SH3PXD2A: variants seen among roughly 807,000 people sequenced by gnomAD.
The protein encoded by SH3PXD2A is SH3 and PX domains 2A, also known as SH3 and PX domain-containing protein 2A.
In SH3PXD2A, 32 loss-of-function variants were observed where a neutral mutation model predicts 115.2. The observed-to-expected ratio is 0.28, with a 90% confidence interval of 0.21 to 0.37. The LOEUF (loss-of-function observed/expected upper bound fraction) is 0.37, where lower values mean the gene tolerates loss of function less well. Among genes scored for constraint, SH3PXD2A ranks in the 10% least tolerant of loss-of-function variants. The pLI, the probability that SH3PXD2A is intolerant of heterozygous loss-of-function variation, is 1.00. For missense variants in SH3PXD2A, 1,328 were observed against 1,498.7 expected (o/e 0.89, Z 1.88); for synonymous variants, 610 against 629.1 (o/e 0.97, Z 0.45).
chr10:103,636,819 A>G (rs1029515319), intron 8 of SH3PXD2A, among the ~76,000 whole-genome samples: 1 of 151,944 alleles, frequency 6.6e-6, no homozygotes, highest in African/African-American at 2.4e-5. Flanking sequence ...CTGACTCCCA[A>G]ACCTCCCAGC....
chr10:103,809,792 C>G (rs188665107), intron 1 of SH3PXD2A, among the ~76,000 whole-genome samples: 5 of 151,900 alleles, frequency 3.3e-5, no homozygotes, highest in Admixed American at 3.3e-4. Flanking sequence ...TCAAGTGATT[C>G]TCCAGCCTCA....
intron 5 of SH3PXD2A, among the ~76,000 whole-genome samples, chr10:103,706,358 CTCTCAGCAGAGGTTTT>C (rs1380239215): frequency 6.6e-6 from 1 of 152,194 alleles, no homozygotes. Flanking sequence ...TTACAGCCTC[CTCTCAGCAGAGGTTTT>C]TTAAGTTCTG....
chr10:103,755,252 T>C (rs887414460), intron 3 of SH3PXD2A: 1 of 152,168 alleles, frequency 6.6e-6, no homozygotes, highest in African/African-American at 2.4e-5. Flanking sequence ...TACTAAAAAT[T>C]ACCAAATCAC....
chr10:103,853,052 A>G (rs188358140), intron 1 of SH3PXD2A, among the ~76,000 whole-genome samples: 1 of 152,032 alleles, frequency 6.6e-6, no homozygotes, highest in Admixed American at 6.5e-5. Context: ...GTTTTCCAGA[A>G]CTCTAGTTCA....
rs1473782576 is a variant in SH3PXD2A at position 103,602,700 on chromosome 10, C to G, written c.2518G>C (p.Gly840Arg). 3 of 1,614,198 alleles carry G rather than the reference C, an allele frequency of 1.9e-6. 1 individual carries two copies. In the South Asian group the frequency reaches 3.3e-5, roughly 18 times the overall value. The change falls in exon 15 of 15, where the codon GGG becomes CGG. Residue 840 changes from glycine to arginine, a missense_variant. By Grantham distance (125) the Gly-to-Arg change is moderately radical (BLOSUM62 -2). This residue lies in a region of SH3PXD2A where 574 missense variants were observed against 565.7 expected (regional missense o/e 1.01). Coordinates refer to ENST00000369774, the MANE Select transcript of SH3PXD2A (RefSeq NM_001394015.1). Reference protein sequence around the residue: ...PPCPTKKEWEGPATSYMTCSA... With the variant: ...PPCPTKKEWERPATSYMTCSA... ...CATGTCATGTACGAGGTGGCTGGCC[C>G]TTCCCATTCCTTCTTGGTGGGACAT... is the stretch of plus-strand genomic sequence containing the variant.
chr10:103,788,192 C>T (rs1045872138), intron 2 of SH3PXD2A, among the ~76,000 whole-genome samples: 1 of 152,202 alleles, frequency 6.6e-6, no homozygotes, highest in South Asian at 2.1e-4. Flanking sequence ...CAAGGCTTTC[C>T]TGAGGCTCAT....
intron 3 of SH3PXD2A, among the ~76,000 whole-genome samples, chr10:103,739,155 G>A (rs912848920): frequency 1.7e-4 from 26 of 152,174 alleles, no homozygotes; most frequent in African/African-American, 6.3e-4. Flanking sequence ...GGGTGGGGAG[G>A]TAGATGAGAG....
rs1482688462 is a variant in SH3PXD2A at position 103,666,399 on chromosome 10, GA to G, written c.472+2208del. On this transcript the variant is annotated intron_variant, in intron 7 of 14. Coordinates refer to ENST00000369774, the MANE Select transcript of SH3PXD2A (RefSeq NM_001394015.1). The surrounding 1 kb of genome is among the most constrained non-coding windows in gnomAD (Gnocchi z 4.5). ...CTCCCCAAGCATCTCTGTCCTCCAG[GA>G]GGCTCCTGATCACTCTTGTTCCCTC... 5.3e-5 allele frequency among the ~76,000 whole-genome samples: 8 copies of G among 152,160 alleles called. No individual in the cohort carries two copies. Among genetic ancestry groups the G allele is most frequent in the African/African-American group, 1.9e-4 (8 of 41,424 alleles).
intron 1 of SH3PXD2A, among the ~76,000 whole-genome samples, chr10:103,842,124 CAAAAAAAAA>C (rs541852028): frequency 1.1e-5 from 1 of 89,206 alleles, no homozygotes; most frequent in Admixed American, 1.2e-4. Flanking sequence ...GACTCCGTCT[CAAAAAAAAA>C]AAAAAAAAAA....
At chr10:103,700,891 G>A (rs952158082) in intron 5 of SH3PXD2A, among the ~76,000 whole-genome samples, 1 of 152,126 alleles carries the variant, frequency 6.6e-6, no homozygotes, top group Non-Finnish European at 1.5e-5. Context: ...TGAGGAGAAG[G>A]TCAAGGAGGA....
intron 2 of SH3PXD2A, among the ~76,000 whole-genome samples, chr10:103,772,669 T>A (rs2038837258): frequency 6.6e-6 from 1 of 152,168 alleles, no homozygotes; most frequent in African/African-American, 2.4e-5. Context: ...AGAAAGCTGA[T>A]TCGGCAGCTC....
chr10:103,816,271 C>T (rs1032987901), intron 1 of SH3PXD2A, among the ~76,000 whole-genome samples: 2 of 152,158 alleles, frequency 1.3e-5, no homozygotes, highest in Non-Finnish European at 1.5e-5. Flanking sequence ...ACTTGAAATA[C>T]ATGCAACTTT....
At chr10:103,736,583 C>T (rs1351781687) in intron 3 of SH3PXD2A, among the ~76,000 whole-genome samples, 3 of 152,270 alleles carry the variant, frequency 2.0e-5, no homozygotes, top group Non-Finnish European at 2.9e-5. Flanking sequence ...CTGTGCTAGG[C>T]GGCTGTCAAT....
chr10:103,821,062 A>G (rs1164378363), intron 1 of SH3PXD2A, among the ~76,000 whole-genome samples: 1 of 151,768 alleles, frequency 6.6e-6, no homozygotes, highest in African/African-American at 2.4e-5. Context: ...GGTTTCAGTG[A>G]GGATTAAATG....
chr10:103,782,045 C>T (rs1024737173), intron 2 of SH3PXD2A, among the ~76,000 whole-genome samples: 1 of 152,220 alleles, frequency 6.6e-6, no homozygotes, highest in African/African-American at 2.4e-5. Flanking sequence ...AACAGGGCTC[C>T]TCACAAAGCC....
At chr10:103,819,473 C>A (rs1171476243) in intron 1 of SH3PXD2A, among the ~76,000 whole-genome samples, 3 of 152,052 alleles carry the variant, frequency 2.0e-5, no homozygotes, top group Non-Finnish European at 4.4e-5. Flanking sequence ...AGAGCCAGGG[C>A]CAGCTGGGGT....
At chr10:103,843,720 G>A (rs952668445) in intron 1 of SH3PXD2A, among the ~76,000 whole-genome samples, 2 of 152,134 alleles carry the variant, frequency 1.3e-5, no homozygotes, top group African/African-American at 2.4e-5. Flanking sequence ...CCTATGTGAC[G>A]AGCTCCCTAG....
chr10:103,709,899 A>G (rs2038027049), intron 5 of SH3PXD2A, among the ~76,000 whole-genome samples: 1 of 152,106 alleles, frequency 6.6e-6, no homozygotes, highest in African/African-American at 2.4e-5. Context: ...TGAGGTCAGG[A>G]GTTCGAGACC....
chr10:103,686,638 A>G (rs1039312581), intron 6 of SH3PXD2A, among the ~76,000 whole-genome samples: 10 of 152,114 alleles, frequency 6.6e-5, no homozygotes. Flanking sequence ...CGCTGCTACT[A>G]TAACAACCCC....
Sources: allele counts gnomAD v4.1 joint callset (sites outside exome capture counted in the v4.1 genomes callset), GRCh38; gene constraint gnomAD v4.1.1; regional missense constraint gnomAD v4.1.1; non-coding constraint Gnocchi (gnomAD v3.1); transcripts MANE v1.5; gene names NCBI Gene and HGNC (gene_info 2026-07-23, HGNC 2026-07-21).